The following PITPNB variants were observed in gnomAD, a reference collection of about 807,000 sequenced individuals.
The protein encoded by PITPNB is phosphatidylinositol transfer protein beta isoform.
A neutral mutation model predicts 45.9 loss-of-function variants in PITPNB; 16 were observed. That is an observed-to-expected ratio of 0.35 (90% CI 0.24 to 0.53). PITPNB has a LOEUF of 0.53. PITPNB is among the 20% of genes least tolerant of loss of function. PITPNB has a pLI of 0.93. For missense variants in PITPNB, 188 were observed against 330.5 expected (o/e 0.57, Z 3.34); for synonymous variants, 112 against 108.9 (o/e 1.03, Z -0.18).
chr22:27,865,221 C>A (rs1197675096), intron 8 of PITPNB, among the ~76,000 whole-genome samples: 1 of 151,960 alleles, frequency 6.6e-6, no homozygotes, highest in Admixed American at 6.5e-5. Context: ...TTTTTTTGCC[C>A]TCAGCAGAGT....
chr22:27,867,134 A>C (rs1253246662), intron 8 of PITPNB, among the ~76,000 whole-genome samples: 2 of 152,222 alleles, frequency 1.3e-5, no homozygotes. Context: ...TGAATCTAGC[A>C]AATACTTACA....
intron 3 of PITPNB, among the ~76,000 whole-genome samples, chr22:27,900,427 A>C (rs1282096770): frequency 6.6e-6 from 1 of 152,172 alleles, no homozygotes; most frequent in Non-Finnish European, 1.5e-5. Context: ...GAAAATTTTA[A>C]TATTTCTTTA....
intron 10 of PITPNB, among the ~76,000 whole-genome samples, chr22:27,857,324 A>G (rs1934202007): frequency 6.6e-6 from 1 of 152,242 alleles, no homozygotes; most frequent in Non-Finnish European, 1.5e-5. Context: ...AGGTTAAAAT[A>G]TTTTATTGCC....
intron 3 of PITPNB, among the ~76,000 whole-genome samples, chr22:27,901,760 T>C (rs1406837729): frequency 6.6e-6 from 1 of 152,058 alleles, no homozygotes; most frequent in Non-Finnish European, 1.5e-5. Flanking sequence ...GGCGGGTGCC[T>C]ACAATCCCAG....
chr22:27,918,793 T>C (rs921345539), intron 1 of PITPNB, among the ~76,000 whole-genome samples: 2 of 152,032 alleles, frequency 1.3e-5, no homozygotes, highest in Non-Finnish European at 2.9e-5. Flanking sequence ...AACGTGTCTC[T>C]CCCACCCTCG....
intron 8 of PITPNB, among the ~76,000 whole-genome samples, chr22:27,864,350 C>T (rs1486563300): frequency 6.6e-6 from 1 of 152,140 alleles, no homozygotes; most frequent in African/African-American, 2.4e-5. Flanking sequence ...GTCTGAATGT[C>T]GTACATTAAC....
chr22:27,919,078 G>A lies in PITPNB; in HGVS notation c.20+94C>T, dbSNP rs758253602. On this transcript the variant is annotated intron_variant, in intron 1 of 11. Coordinates refer to ENST00000335272, the MANE Select transcript of PITPNB (RefSeq NM_012399.5). Reference sequence around the variant, plus strand: ...CGCAGGGAGGGGCTGACACAGGGCTGACTCCGATTTAGGAATATCCTACCA... The same window carrying A: ...CGCAGGGAGGGGCTGACACAGGGCTAACTCCGATTTAGGAATATCCTACCA... The A allele has an allele frequency of 2.8e-5, 45 of 1,597,650 alleles. No homozygotes were observed. In the Admixed American group the frequency reaches 7.5e-4, roughly 27 times the overall value.
intron 8 of PITPNB, among the ~76,000 whole-genome samples, chr22:27,871,025 C>T (rs191203896): frequency 1.3e-5 from 2 of 152,216 alleles, no homozygotes; most frequent in Non-Finnish European, 2.9e-5. Flanking sequence ...CCCTATCAGC[C>T]TAATAAGTTA....
At chr22:27,864,011 T>C (rs1009847420) in intron 8 of PITPNB, among the ~76,000 whole-genome samples, 4 of 152,188 alleles carry the variant, frequency 2.6e-5, no homozygotes, top group African/African-American at 9.7e-5. Flanking sequence ...GATTTTTGTT[T>C]TCCATCCAAT....
intron 3 of PITPNB, among the ~76,000 whole-genome samples, chr22:27,905,902 T>C (rs1935743915): frequency 6.6e-6 from 1 of 152,234 alleles, no homozygotes; most frequent in Non-Finnish European, 1.5e-5. Context: ...TTACAACACA[T>C]TTCTTTGTCT....
At chr22:27,883,027 T>C (rs1296236957) in intron 7 of PITPNB, among the ~76,000 whole-genome samples, 1 of 152,162 alleles carries the variant, frequency 6.6e-6, no homozygotes, top group Non-Finnish European at 1.5e-5. Context: ...GGGTGTCCAA[T>C]CCTTTTACTC....
At chr22:27,891,590 G>A (rs1246501586) in intron 7 of PITPNB, among the ~76,000 whole-genome samples, 1 of 152,176 alleles carries the variant, frequency 6.6e-6, no homozygotes, top group Non-Finnish European at 1.5e-5. Flanking sequence ...AAGGAAGGGA[G>A]GTGACTGGAC....
In PITPNB at chr22:27,911,044, T is replaced by C; in HGVS notation, c.117A>G (p.Gly39=). Residue 39 remains glycine (G), a synonymous_variant, in exon 3 of 12, where the codon GGA becomes GGG. Transcript: ENST00000335272. ...AAGGTTCATTCTTTAAGACTTCAAT[T>C]CCTTCTCCACCACCAGTCTCATTCT... ...ASKNETGGGE[G]IEVLKNEPYE... The C allele has an allele frequency of 6.2e-7, 1 of 1,610,672 alleles. No individual in the cohort carries two copies. The highest frequency in any genetic ancestry group is 8.5e-7 in the Non-Finnish European group (1 of 1,176,890).
chr22:27,866,714 A>G (rs1478138023), intron 8 of PITPNB, among the ~76,000 whole-genome samples: 1 of 152,234 alleles, frequency 6.6e-6, no homozygotes. Context: ...AACGCTTTGC[A>G]AAGACACAGC....
rs550769860 is a variant in PITPNB, at chr22:27,888,655, G to A, written c.456+5900C>T. Among the ~76,000 whole-genome samples the A allele has an allele frequency of 5.1e-4, 78 of 152,350 alleles. No homozygotes were observed. The South Asian group carries it at 0.01, about 20-fold the overall frequency. On this transcript the variant is annotated intron_variant, in intron 7 of 11. Coordinates refer to ENST00000335272, the MANE Select transcript of PITPNB (RefSeq NM_012399.5). ...AGAGAACAAAACACACCAATGAAAT[G>A]AGCAAAAGCTTCTGAAATTCAGCAG...
At chr22:27,902,434 A>C (rs1314827484) in intron 3 of PITPNB, among the ~76,000 whole-genome samples, 1 of 152,210 alleles carries the variant, frequency 6.6e-6, no homozygotes, top group East Asian at 1.9e-4. Flanking sequence ...GAAAGCTTTA[A>C]AAAGGGGAAT....
At chr22:27,908,081 T>C (rs1220724045) in intron 3 of PITPNB, among the ~76,000 whole-genome samples, 2 of 151,798 alleles carry the variant, frequency 1.3e-5, no homozygotes, top group Non-Finnish European at 2.9e-5. Context: ...AGAATATCTC[T>C]TGCACTAACC....
At chr22:27,893,827 G>A (rs1015043978) in intron 7 of PITPNB, among the ~76,000 whole-genome samples, 1 of 152,024 alleles carries the variant, frequency 6.6e-6, no homozygotes, top group African/African-American at 2.4e-5. Flanking sequence ...CTGTGCTCAA[G>A]CAATCCTCCC....
intron 8 of PITPNB, among the ~76,000 whole-genome samples, chr22:27,870,116 G>T (rs1934608734): frequency 6.6e-6 from 1 of 152,176 alleles, no homozygotes; most frequent in African/African-American, 2.4e-5. Context: ...ACACACTGCT[G>T]TAACTACCAC....
Sources: allele counts gnomAD v4.1 joint callset (sites outside exome capture counted in the v4.1 genomes callset), GRCh38; gene constraint gnomAD v4.1.1; transcripts MANE v1.5; gene names NCBI Gene and HGNC (gene_info 2026-07-23, HGNC 2026-07-21).